Variants in TMEM260 observed in about 807,000 individuals in gnomAD.
TMEM260 encodes protein O-mannosyl-transferase TMEM260.
Under a neutral mutation model 88.9 loss-of-function variants are expected in TMEM260, and 82 were observed. That is an observed-to-expected ratio of 0.92 (90% CI 0.77 to 1.11). The LOEUF is 1.11. TMEM260 is among the 50% of genes least tolerant of loss of function. The pLI is 0.00. For synonymous variants in TMEM260, 314 were observed against 309.3 expected (o/e 1.02, Z -0.16); for missense variants, 902 against 853.4 (o/e 1.06, Z -0.71).
rs1351008772 is a variant in TMEM260 at position 56,617,305 on chromosome 14, T to C, written c.1056+8T>C. The stretch of plus-strand genomic sequence containing the variant: ...CCACTTTTCATGGGTGTGGTAAGTT[T>C]TACTTAGATATATCCTTTGACCAGA... On this transcript the variant is annotated splice_region_variant and intron_variant, in intron 9 of 15. Coordinates refer to ENST00000261556, the MANE Select transcript of TMEM260 (RefSeq NM_017799.4). The C allele has an allele frequency of 2.6e-6, 4 of 1,554,000 alleles. No individual in the cohort carries two copies.
intron 11 of TMEM260, among the ~76,000 whole-genome samples, chr14:56,623,769 A>G (rs1466425686): frequency 1.3e-5 from 2 of 152,192 alleles, no homozygotes; most frequent in Admixed American, 6.5e-5. Context: ...TTCAGTAAGT[A>G]TTTTTTGAGT....
rs1260354252 is a variant in TMEM260, at chr14:56,618,619, A to G, written c.1082A>G (p.Asn361Ser). 1 of 1,614,172 alleles carries G rather than the reference A, an allele frequency of 6.2e-7. No homozygotes were observed. The highest frequency in any genetic ancestry group is 8.5e-7 in the Non-Finnish European group (1 of 1,180,018). ...GVVERFWMQS[N>S]AVVAVLAGIG... ...GTGGAACGATTCTGGATGCAGAGCA[A>G]TGCAGTAGTGGCCGTCCTCGCTGGC... Residue 361 changes from asparagine (N) to serine (S), a missense_variant, in exon 10 of 16, where the codon AAT (asparagine) becomes AGT (serine). Asn to Ser is a conservative substitution (Grantham distance 46). Coordinates refer to ENST00000261556, the MANE Select transcript of TMEM260 (RefSeq NM_017799.4).
intron 5 of TMEM260, among the ~76,000 whole-genome samples, chr14:56,606,507 G>A (rs1886909935): frequency 6.6e-6 from 1 of 152,174 alleles, no homozygotes; most frequent in African/African-American, 2.4e-5. Context: ...TATATTTACT[G>A]TACTTGAACA....
the TMEM260 span, among the ~76,000 whole-genome samples, chr14:56,655,933 T>C: frequency 6.6e-6 from 1 of 152,086 alleles, no homozygotes; most frequent in African/African-American, 2.4e-5. Context: ...TCATATTGCT[T>C]GCACAAAGAA....
chr14:56,642,234 C>G (rs1292149657), intron 15 of TMEM260, among the ~76,000 whole-genome samples: 1 of 152,104 alleles, frequency 6.6e-6, no homozygotes, highest in Non-Finnish European at 1.5e-5. Flanking sequence ...TGCACTTATT[C>G]CAAAATTGAC....
chr14:56,637,409 G>C, intron 15 of TMEM260, among the ~76,000 whole-genome samples: 1 of 152,212 alleles, frequency 6.6e-6, no homozygotes, highest in East Asian at 1.9e-4. Flanking sequence ...ACTAACCTTC[G>C]GAAGACACAG....
intron 3 of TMEM260, among the ~76,000 whole-genome samples, chr14:56,599,139 T>TA (rs1886415783): frequency 6.6e-6 from 1 of 152,074 alleles, no homozygotes; most frequent in African/African-American, 2.4e-5. Flanking sequence ...TCATCCTTCT[T>TA]ACCTCCTCCA....
chr14:56,597,963 T>A (rs1886348475), intron 3 of TMEM260, among the ~76,000 whole-genome samples: 1 of 152,156 alleles, frequency 6.6e-6, no homozygotes, highest in Admixed American at 6.5e-5. Flanking sequence ...ATTTTGTACA[T>A]GTTGACATTG....
chr14:56,637,292 C>T (rs1035467164), intron 15 of TMEM260, among the ~76,000 whole-genome samples: 2 of 152,176 alleles, frequency 1.3e-5, no homozygotes, highest in Non-Finnish European at 2.9e-5. Flanking sequence ...ATGACCCTGG[C>T]TACACTTGAA....
At chr14:56,627,350 TA>T (rs1277369966) in intron 12 of TMEM260, among the ~76,000 whole-genome samples, 1 of 152,174 alleles carries the variant, frequency 6.6e-6, no homozygotes, top group African/African-American at 2.4e-5. Flanking sequence ...GCATATTTTT[TA>T]CAAAGGTGAA....
intron 1 of TMEM260, among the ~76,000 whole-genome samples, chr14:56,584,104 G>A (rs1885328381): frequency 6.6e-6 from 1 of 151,758 alleles, no homozygotes; most frequent in Admixed American, 6.6e-5. Flanking sequence ...AAGTAGGATT[G>A]GTCAAGTCTG....
intron 7 of TMEM260, chr14:56,614,031 C>G (rs1259712394): frequency 2.6e-5 from 4 of 151,960 alleles, no homozygotes; most frequent in Non-Finnish European, 5.9e-5. Context: ...ACCTCAGCCT[C>G]CTGAGTAGCT....
intron 6 of TMEM260, among the ~76,000 whole-genome samples, 154 bp from the exon 7 acceptor site, chr14:56,612,091 T>C (rs1887316074): frequency 6.6e-6 from 1 of 152,252 alleles, no homozygotes; most frequent in Non-Finnish European, 1.5e-5. Flanking sequence ...ACACGCAGTT[T>C]ACCTGTGTAA....
chr14:56,625,866 GCCC>G (rs1205210371), intron 12 of TMEM260, among the ~76,000 whole-genome samples: 1 of 152,098 alleles, frequency 6.6e-6, no homozygotes, highest in African/African-American at 2.4e-5. Context: ...CAACACTATG[GCCC>G]CCCTTTTAAG....
intron 3 of TMEM260, among the ~76,000 whole-genome samples, chr14:56,594,604 G>T (rs769179130): frequency 1.3e-4 from 20 of 152,084 alleles, no homozygotes; most frequent in Non-Finnish European, 2.4e-4. Flanking sequence ...GATGACAATG[G>T]TTTGTCTGTC....
intron 4 of TMEM260, among the ~76,000 whole-genome samples, chr14:56,604,687 T>C (rs925763080): frequency 2.6e-5 from 4 of 152,318 alleles, no homozygotes; most frequent in Admixed American, 2.6e-4. Context: ...AAAAAAATTA[T>C]TCAATACACT....
chr14:56,627,738 T>C (rs1888328052), intron 12 of TMEM260, among the ~76,000 whole-genome samples: 1 of 152,222 alleles, frequency 6.6e-6, no homozygotes, highest in African/African-American at 2.4e-5. Context: ...TAATGTTTAG[T>C]GAGCACCTGT....
intron 15 of TMEM260, among the ~76,000 whole-genome samples, chr14:56,638,528 G>A (rs1889302137): frequency 2.6e-5 from 4 of 152,012 alleles, no homozygotes; most frequent in Admixed American, 1.3e-4. Context: ...GCTCATTTGT[G>A]GATTTATTGT....
intron 12 of TMEM260, among the ~76,000 whole-genome samples, chr14:56,628,671 C>T (rs1025365266): frequency 2.0e-5 from 3 of 151,878 alleles, no homozygotes; most frequent in Admixed American, 6.6e-5. Context: ...TAACTTAATT[C>T]GTGTTTTTGT....
Sources: gnomAD v4.1 joint callset for allele counts (sites outside exome capture counted in the v4.1 genomes callset) on GRCh38, gnomAD v4.1.1 for gene constraint, MANE v1.5 for transcripts, NCBI Gene and HGNC (gene_info 2026-07-23, HGNC 2026-07-21) for gene names.